Variants in ESRRG observed in about 807,000 individuals in gnomAD.
The protein encoded by ESRRG is estrogen related receptor gamma, also known as estrogen-related receptor gamma.
Under a neutral mutation model 44.0 loss-of-function variants are expected in ESRRG, and 13 were observed. The observed-to-expected ratio is 0.30, with a 90% CI of 0.19 to 0.47. The LOEUF is 0.47. Among genes scored for constraint, ESRRG ranks in the 20% least tolerant of loss-of-function variants. The pLI is 1.00. For missense variants in ESRRG, 395 were observed against 580.6 expected (o/e 0.68, Z 3.29); for synonymous variants, 215 against 214.6 (o/e 1.00, Z -0.02).
intron 1 of ESRRG, among the ~76,000 whole-genome samples, chr1:216,696,063 T>A (rs1353950207): frequency 6.6e-6 from 1 of 152,188 alleles, no homozygotes. Context: ...CAAAATAATG[T>A]TCTTAAGAAA....
At chr1:216,866,645 A>G (rs2096168087) in intron 2 of ESRRG, among the ~76,000 whole-genome samples, 1 of 151,548 alleles carries the variant, frequency 6.6e-6, no homozygotes, top group Admixed American at 6.6e-5. Context: ...GCCTCAGCTC[A>G]TTGCAGTCTT....
Position 216,695,982 on chromosome 1 carries a change from G to C in ESRRG, c.57-18491C>G, listed in dbSNP as rs147952206. Among the ~76,000 whole-genome samples the C allele has an allele frequency of 4.4e-3, 675 of 152,260 alleles. 3 individuals carry two copies. Among genetic ancestry groups the C allele is most frequent in the African/African-American group, 0.016 (654 of 41,562 alleles). On this transcript the variant is annotated intron_variant, in intron 1 of 6. Coordinates refer to ENST00000408911, the MANE Select transcript of ESRRG (RefSeq NM_001438.4). ...TGTATTTACACCAACCTAGATCGTT[G>C]AAGATGCTGGCATAGATGCTTGGAT...
chr1:217,021,229 G>T (rs1000904271), intron 1 of ESRRG, among the ~76,000 whole-genome samples: 10 of 152,136 alleles, frequency 6.6e-5, no homozygotes, highest in Non-Finnish European at 1.3e-4. Context: ...CTAGCTGGTT[G>T]CCCAGTAGAG....
intron 1 of ESRRG, among the ~76,000 whole-genome samples, chr1:217,061,425 A>C (rs2088467660): frequency 2.0e-5 from 3 of 152,170 alleles, no homozygotes; most frequent in Admixed American, 2.0e-4. Context: ...CACAGGAGCC[A>C]TCTTGCCTAG....
At chr1:216,669,444 A>G (rs948271661) in intron 2 of ESRRG, among the ~76,000 whole-genome samples, 12 of 152,264 alleles carry the variant, frequency 7.9e-5, no homozygotes, top group African/African-American at 2.7e-4. Flanking sequence ...CTATTAAAAT[A>G]AACACTGAAC....
At chr1:217,068,256 C>T (rs1025690411) in intron 1 of ESRRG, among the ~76,000 whole-genome samples, 1 of 152,130 alleles carries the variant, frequency 6.6e-6, no homozygotes, top group Admixed American at 6.6e-5. Flanking sequence ...TTCCCTGTCT[C>T]CTTTCTTTAA....
At chr1:217,114,554 A>C (rs2092697739) in intron 1 of ESRRG, among the ~76,000 whole-genome samples, 1 of 152,124 alleles carries the variant, frequency 6.6e-6, no homozygotes, top group Non-Finnish European at 1.5e-5. Context: ...CTAATGTCTC[A>C]GAGTTGACTC....
At chr1:216,839,204 T>A (rs1011953247) in intron 2 of ESRRG, among the ~76,000 whole-genome samples, 1 of 152,224 alleles carries the variant, frequency 6.6e-6, no homozygotes, top group East Asian at 1.9e-4. Flanking sequence ...TAGGAGTAGA[T>A]GTCACCTTAA....
At chr1:216,764,523 C>A (rs993025201) in intron 2 of ESRRG, among the ~76,000 whole-genome samples, 1 of 152,050 alleles carries the variant, frequency 6.6e-6, no homozygotes, top group Non-Finnish European at 1.5e-5. Context: ...CCTGCCTAGG[C>A]CTCCCAAAGT....
intron 2 of ESRRG, among the ~76,000 whole-genome samples, chr1:216,772,850 AT>A (rs5742079): frequency 0.12 from 18,060 of 147,386 alleles, 1,299 homozygotes; most frequent in Non-Finnish European, 0.17. Context: ...GCACTAGCAC[AT>A]TTTTTTTTTT....
chr1:216,886,913 C>A (rs548774982), intron 2 of ESRRG, among the ~76,000 whole-genome samples: 51 of 151,932 alleles, frequency 3.4e-4, no homozygotes, highest in Non-Finnish European at 6.9e-4. Context: ...TTTGTTTGTA[C>A]TTTTTTTAAA....
chr1:217,061,473 A>T (rs1216846362), intron 1 of ESRRG, among the ~76,000 whole-genome samples: 1 of 152,114 alleles, frequency 6.6e-6, no homozygotes, highest in African/African-American at 2.4e-5. Context: ...GATATAAATG[A>T]GCTCCCCCCA....
chr1:216,773,170 G>A (rs190226560), intron 2 of ESRRG, among the ~76,000 whole-genome samples: 57 of 152,170 alleles, frequency 3.7e-4, no homozygotes, highest in Middle Eastern at 3.4e-3. Context: ...AAATGTGTAT[G>A]CCTTTCTGTA....
intron 1 of ESRRG, among the ~76,000 whole-genome samples, chr1:217,027,119 A>G (rs1359930616): frequency 6.6e-6 from 1 of 152,040 alleles, no homozygotes; most frequent in Non-Finnish European, 1.5e-5. Context: ...TTTGTTTTAA[A>G]TCTCTCACCA....
chr1:216,971,634 G>A (rs774535994), intron 1 of ESRRG, among the ~76,000 whole-genome samples: 16 of 152,176 alleles, frequency 1.1e-4, no homozygotes, highest in Admixed American at 3.3e-4. Flanking sequence ...AATCTAGTAA[G>A]TAAAACCGAA....
At chr1:216,653,931 T>A (rs2069678736) in intron 2 of ESRRG, among the ~76,000 whole-genome samples, 1 of 147,628 alleles carries the variant, frequency 6.8e-6, no homozygotes, top group South Asian at 2.2e-4. Context: ...TTGGCTAACA[T>A]GGCAAAACCC....
intron 2 of ESRRG, among the ~76,000 whole-genome samples, chr1:216,746,845 C>T (rs932023940): frequency 6.6e-6 from 1 of 152,178 alleles, no homozygotes; most frequent in African/African-American, 2.4e-5. Context: ...AACCCACGTG[C>T]ACACACTATT....
intron 2 of ESRRG, among the ~76,000 whole-genome samples, chr1:216,659,987 T>C (rs1297461177): frequency 6.6e-6 from 1 of 152,216 alleles, no homozygotes; most frequent in East Asian, 1.9e-4. Flanking sequence ...TCCCCCATTT[T>C]AGTGTTTAGC....
intron 1 of ESRRG, among the ~76,000 whole-genome samples, chr1:217,031,618 T>C (rs2082072892): frequency 6.6e-6 from 1 of 152,154 alleles, no homozygotes; most frequent in Non-Finnish European, 1.5e-5. Context: ...CCAACAGATA[T>C]GGTTTGGCTG....
Sources: gnomAD v4.1 joint callset for allele counts (sites outside exome capture counted in the v4.1 genomes callset) on GRCh38, gnomAD v4.1.1 for gene constraint, MANE v1.5 for transcripts, NCBI Gene and HGNC (gene_info 2026-07-23, HGNC 2026-07-21) for gene names.